The following FBXL7 variants were observed in gnomAD, a reference collection of about 807,000 sequenced individuals.
FBXL7 encodes F-box and leucine rich repeat protein 7, also known as F-box/LRR-repeat protein 7.
Under a neutral mutation model 38.3 loss-of-function variants are expected in FBXL7, and 12 were observed. The observed-to-expected ratio is 0.31, with a 90% CI of 0.20 to 0.51. The LOEUF (loss-of-function observed/expected upper bound fraction) is 0.51. Ranked by LOEUF, FBXL7 falls within the 20% of genes least tolerant of loss-of-function variation. FBXL7 has a pLI of 0.98. For missense variants in FBXL7, 567 were observed against 676.4 expected (o/e 0.84, Z 1.79); for synonymous variants, 297 against 300.9 (o/e 0.99, Z 0.13).
chr5:15,919,701 C>T lies in FBXL7; in HGVS notation c.128-8189C>T, dbSNP rs532034948. Among the ~76,000 whole-genome samples, 8 of 152,110 alleles carry T rather than the reference C, an allele frequency of 5.3e-5. No homozygotes were observed. In the South Asian group the frequency reaches 1.7e-3, roughly 32 times the overall value. ...ATATTACATTTATAATGAGAAAATC[C>T]AAAAGTTCACTAAGAATATTGTTTA... On this transcript the variant is annotated intron_variant, in intron 2 of 3. Coordinates refer to ENST00000504595, the MANE Select transcript of FBXL7 (RefSeq NM_012304.5).
At chr5:15,904,531 G>A (rs1408214508) in intron 2 of FBXL7, among the ~76,000 whole-genome samples, 5 of 152,052 alleles carry the variant, frequency 3.3e-5, no homozygotes, top group African/African-American at 1.2e-4. Flanking sequence ...GAGAAAAACT[G>A]TTTCAAAGGA....
At chr5:15,678,195 A>G (rs1270693804) in intron 2 of FBXL7, among the ~76,000 whole-genome samples, 2 of 152,186 alleles carry the variant, frequency 1.3e-5, no homozygotes, top group South Asian at 2.1e-4. Context: ...TGAAACCTCC[A>G]AAGCAAACAG....
chr5:15,717,753 G>A (rs965706648), intron 2 of FBXL7, among the ~76,000 whole-genome samples: 4 of 152,122 alleles, frequency 2.6e-5, no homozygotes, highest in African/African-American at 4.8e-5. Context: ...ACTTCAGATG[G>A]GGGAACTTTA....
At chr5:15,651,881 G>A (rs1290915263) in intron 2 of FBXL7, among the ~76,000 whole-genome samples, 1 of 152,210 alleles carries the variant, frequency 6.6e-6, no homozygotes, top group Non-Finnish European at 1.5e-5. Context: ...TACTTCATAT[G>A]CACTGAAAAT....
At chr5:15,840,837 C>A (rs577829675) in intron 2 of FBXL7, among the ~76,000 whole-genome samples, 1 of 105,154 alleles carries the variant, frequency 9.5e-6, no homozygotes, top group Non-Finnish European at 1.8e-5. Context: ...CAGAGCAAGA[C>A]TCTGTCTCAA....
chr5:15,585,496 A>G (rs1739273460), intron 1 of FBXL7, among the ~76,000 whole-genome samples: 1 of 152,250 alleles, frequency 6.6e-6, no homozygotes, highest in African/African-American at 2.4e-5. Context: ...TTAAATTTCA[A>G]AAGTGCCAAC....
At chr5:15,654,861 A>T (rs1255752299) in intron 2 of FBXL7, among the ~76,000 whole-genome samples, 1 of 152,240 alleles carries the variant, frequency 6.6e-6, no homozygotes, top group Non-Finnish European at 1.5e-5. Flanking sequence ...ATTTTTATAT[A>T]TACATGTGGG....
Position 15,881,805 on chromosome 5 carries a change from C to T in FBXL7, c.128-46085C>T, listed in dbSNP as rs139961026. ...AGGGCAAACATATTCATTTGTAAGA[C>T]TCACTTGCTGTACTAGTCTCTTCTC... On this transcript the variant is annotated intron_variant, in intron 2 of 3. Transcript: ENST00000504595. Among the ~76,000 whole-genome samples, 1,033 of 152,276 alleles carry T rather than the reference C, an allele frequency of 6.8e-3. 39 individuals are homozygous for T. Among genetic ancestry groups the T allele is most frequent in the Non-Finnish European group, 1.5e-3 (103 of 68,022 alleles).
intron 2 of FBXL7, among the ~76,000 whole-genome samples, chr5:15,706,685 C>CA (rs1003843717): frequency 2.6e-5 from 4 of 151,868 alleles, no homozygotes; most frequent in Admixed American, 6.6e-5. Context: ...TTGGAAAAAA[C>CA]AAAAAAACAA....
intron 2 of FBXL7, among the ~76,000 whole-genome samples, chr5:15,746,634 C>A (rs533772151): frequency 3.6e-4 from 54 of 152,038 alleles, no homozygotes; most frequent in Admixed American, 1.0e-3. Context: ...CTGCCTAAAG[C>A]CATTGCATTG....
At chr5:15,879,818 A>G (rs1740365103) in intron 2 of FBXL7, among the ~76,000 whole-genome samples, 1 of 152,234 alleles carries the variant, frequency 6.6e-6, no homozygotes, top group African/African-American at 2.4e-5. Context: ...ATACCAAAGC[A>G]TTCTAAACAT....
intron 2 of FBXL7, among the ~76,000 whole-genome samples, chr5:15,879,868 G>GATCACCT (rs1394765713): frequency 1.3e-5 from 2 of 152,082 alleles, no homozygotes; most frequent in African/African-American, 4.8e-5. Context: ...CAAATGCCAG[G>GATCACCT]ATCACCTATC....
At chr5:15,755,561 G>A (rs367756582) in intron 2 of FBXL7, among the ~76,000 whole-genome samples, 3 of 152,094 alleles carry the variant, frequency 2.0e-5, no homozygotes, top group East Asian at 1.9e-4. Flanking sequence ...CAATTATATC[G>A]CAGTCTGCAA....
Position 15,911,432 on chromosome 5 carries a change from T to A in FBXL7, c.128-16458T>A, listed in dbSNP as rs1360295494. On this transcript the variant is annotated intron_variant, in intron 2 of 3. Transcript: ENST00000504595. The stretch of plus-strand genomic sequence containing the variant: ...ATTCTAGTTATACATTCTTCTAAAT[T>A]TTTTTCAACGTTTTCAACTTCTTTG... Among the ~76,000 whole-genome samples, 2 of 139,716 alleles carry A rather than the reference T, an allele frequency of 1.4e-5. 1 individual carries two copies. Among genetic ancestry groups the A allele is most frequent in the African/African-American group, 6.6e-5 (2 of 30,192 alleles). 91.7% of individuals were successfully genotyped at this position (139,716 alleles called of 152,430 possible). A position where few individuals can be genotyped will look rare whatever the true frequency, so the allele number is the denominator to read the frequency against.
At chr5:15,862,540 A>G (rs550613804) in intron 2 of FBXL7, among the ~76,000 whole-genome samples, 4 of 152,326 alleles carry the variant, frequency 2.6e-5, no homozygotes, top group African/African-American at 4.8e-5. Context: ...TTTATTCTCA[A>G]TTAACAAATT....
At chr5:15,641,463 G>C (rs547271585) in intron 2 of FBXL7, among the ~76,000 whole-genome samples, 2 of 152,232 alleles carry the variant, frequency 1.3e-5, no homozygotes, top group Non-Finnish European at 2.9e-5. Context: ...AAGAGGAATG[G>C]GGAAGATGGA....
intron 1 of FBXL7, among the ~76,000 whole-genome samples, chr5:15,541,441 GTGTATATATATATATATA>G (rs1479702124): frequency 3.2e-4 from 17 of 53,370 alleles, no homozygotes; most frequent in Non-Finnish European, 4.0e-4. Flanking sequence ...ATGTGTGTGT[GTGTATATATATATATATA>G]TATATATATA....
At chr5:15,768,393 T>C (rs956284054) in intron 2 of FBXL7, among the ~76,000 whole-genome samples, 5 of 151,852 alleles carry the variant, frequency 3.3e-5, no homozygotes, top group African/African-American at 1.2e-4. Flanking sequence ...TAGCCTGGCG[T>C]GGTGGCAGGC....
At chr5:15,871,171 G>A (rs545541327) in intron 2 of FBXL7, among the ~76,000 whole-genome samples, 1 of 152,258 alleles carries the variant, frequency 6.6e-6, no homozygotes, top group Admixed American at 6.5e-5. Context: ...AGGCAAACAG[G>A]GTCTGGAGTG....
Sources: allele counts gnomAD v4.1 joint callset (sites outside exome capture counted in the v4.1 genomes callset), GRCh38; gene constraint gnomAD v4.1.1; transcripts MANE v1.5; gene names NCBI Gene and HGNC (gene_info 2026-07-23, HGNC 2026-07-21).